DIAPH2: variants seen among roughly 807,000 people sequenced by gnomAD.
DIAPH2 encodes the protein protein diaphanous homolog 2.
In DIAPH2, 35 loss-of-function variants were observed where a neutral mutation model predicts 92.7. That is an observed-to-expected ratio of 0.38 (90% confidence interval 0.29 to 0.50). The LOEUF (loss-of-function observed/expected upper bound fraction) is 0.50, where lower values mean the gene tolerates loss of function less well. Among genes scored for constraint, DIAPH2 ranks in the 20% least tolerant of loss-of-function variants. DIAPH2 has a pLI of 0.94. For missense variants in DIAPH2, 701 were observed against 819.5 expected, an observed-to-expected ratio of 0.86 and a Z score of 1.77; for synonymous variants, 301 against 280.4, an observed-to-expected ratio of 1.07 and a Z score of -0.73.
At chrX:97,529,992 C>A (rs1013321763) in intron 26 of DIAPH2, among the ~76,000 whole-genome samples, 7 of 112,137 alleles carry the variant, frequency 6.2e-5, no homozygotes, top group African/African-American at 2.3e-4. Flanking sequence ...GTTAAAATCT[C>A]AAGCAAGGAA....
At chrX:97,424,694 A>T (rs972634662) in intron 25 of DIAPH2, among the ~76,000 whole-genome samples, 8 of 111,807 alleles carry the variant, frequency 7.2e-5, no homozygotes. Flanking sequence ...GGCTCACTGT[A>T]ACCCCAACCT....
At chrX:97,438,522 C>T (rs746599954) in intron 26 of DIAPH2, among the ~76,000 whole-genome samples, 11 of 107,747 alleles carry the variant, frequency 1.0e-4, no homozygotes, top group African/African-American at 3.0e-4. Flanking sequence ...CATGCCACCA[C>T]GCCCAGCTAT....
intron 1 of DIAPH2, among the ~76,000 whole-genome samples, chrX:96,688,957 A>G (rs1044877625): frequency 9.1e-6 from 1 of 109,995 alleles, no homozygotes; most frequent in Non-Finnish European, 1.9e-5. Flanking sequence ...TTTAAGGAAA[A>G]AAAAAAAAGC....
intron 11 of DIAPH2, among the ~76,000 whole-genome samples, chrX:96,937,574 C>T (rs1297077695): frequency 9.0e-6 from 1 of 111,448 alleles, no homozygotes; most frequent in Non-Finnish European, 1.9e-5. Context: ...CACAATGGCT[C>T]ACAGTATTAT....
At chrX:97,530,970 G>A (rs780311095) in intron 26 of DIAPH2, among the ~76,000 whole-genome samples, 5 of 111,153 alleles carry the variant, frequency 4.5e-5, no homozygotes, top group Non-Finnish European at 7.5e-5. Flanking sequence ...TAGATCGTTG[G>A]TGAGTGCAGG....
intron 12 of DIAPH2, among the ~76,000 whole-genome samples, 174 bp downstream of exon 12, chrX:96,939,556 A>ATATATG (rs2065684742): frequency 1.5e-5 from 1 of 66,941 alleles, no homozygotes; most frequent in Non-Finnish European, 2.8e-5. Context: ...GTATATATGT[A>ATATATG]TATATATATA....
At chrX:96,860,002 A>C (rs919908076) in intron 4 of DIAPH2, among the ~76,000 whole-genome samples, 3 of 112,187 alleles carry the variant, frequency 2.7e-5, no homozygotes, top group Non-Finnish European at 3.8e-5. Context: ...AAGGATAGAA[A>C]ATAATGGGGA....
chrX:97,096,413 G>C (rs1010324281), intron 19 of DIAPH2, among the ~76,000 whole-genome samples: 3 of 111,690 alleles, frequency 2.7e-5, no homozygotes, highest in Non-Finnish European at 5.6e-5. Flanking sequence ...GCTGTTGCAG[G>C]ACCCTGATTC....
intron 17 of DIAPH2, among the ~76,000 whole-genome samples, chrX:97,001,506 C>T (rs948674740): frequency 9.1e-6 from 1 of 110,357 alleles, no homozygotes; most frequent in Non-Finnish European, 1.9e-5. Flanking sequence ...ATTAGCCAGG[C>T]GTGGTAGCAA....
At chrX:96,767,578 A>G (rs2064311857) in intron 4 of DIAPH2, among the ~76,000 whole-genome samples, 1 of 112,174 alleles carries the variant, frequency 8.9e-6, no homozygotes, top group Non-Finnish European at 1.9e-5. Context: ...AATGCTTGAT[A>G]TGAAAGACAT....
At chrX:97,323,771 C>G (rs775873500) in intron 23 of DIAPH2, among the ~76,000 whole-genome samples, 56 of 105,926 alleles carry the variant, frequency 5.3e-4, no homozygotes, top group Middle Eastern at 4.9e-3. Context: ...GGAGTGGTGG[C>G]GCATGCCTGT....
At chrX:97,205,974 A>G (rs1323806969) in intron 22 of DIAPH2, among the ~76,000 whole-genome samples, 2 of 111,828 alleles carry the variant, frequency 1.8e-5, no homozygotes, top group Admixed American at 9.5e-5. Context: ...CTATACAGCC[A>G]TAAAAAAGAA....
intron 1 of DIAPH2, among the ~76,000 whole-genome samples, chrX:96,712,586 T>A (rs2147537055): frequency 9.0e-6 from 1 of 111,402 alleles, no homozygotes; most frequent in East Asian, 2.8e-4. Flanking sequence ...AGATATTATC[T>A]ATTGCCTGCC....
At chrX:97,252,294 T>C (rs961476622) in intron 23 of DIAPH2, among the ~76,000 whole-genome samples, 1 of 111,377 alleles carries the variant, frequency 9.0e-6, no homozygotes, top group Non-Finnish European at 1.9e-5. Flanking sequence ...AGAGAGTGAC[T>C]GAGCAGCAGG....
At chrX:97,201,976 G>T (rs1282007363) in intron 22 of DIAPH2, among the ~76,000 whole-genome samples, 1 of 111,392 alleles carries the variant, frequency 9.0e-6, no homozygotes, top group Non-Finnish European at 1.9e-5. Flanking sequence ...CTCTCTACAG[G>T]AACCCTACAA....
At chrX:96,924,607 C>T (rs970314400) in intron 9 of DIAPH2, among the ~76,000 whole-genome samples, 11 of 111,332 alleles carry the variant, frequency 9.9e-5, no homozygotes, top group Admixed American at 8.6e-4. Context: ...TCCATTCTCA[C>T]ATTGCTATAA....
At chrX:97,229,948 A>G (rs1361814334) in intron 22 of DIAPH2, among the ~76,000 whole-genome samples, 1 of 107,922 alleles carries the variant, frequency 9.3e-6, no homozygotes, top group Non-Finnish European at 1.9e-5. Flanking sequence ...AAAAGCCTTG[A>G]TGTAAGAGCA....
chrX:97,256,444 G>A (rs774106633), intron 23 of DIAPH2, among the ~76,000 whole-genome samples: 2 of 112,298 alleles, frequency 1.8e-5, no homozygotes, highest in African/African-American at 6.5e-5. Context: ...TAATAATAGT[G>A]ATGTTAGTAT....
intron 4 of DIAPH2, among the ~76,000 whole-genome samples, chrX:96,800,135 C>T (rs754446924): frequency 8.9e-6 from 1 of 111,864 alleles, no homozygotes; most frequent in Non-Finnish European, 1.9e-5. Context: ...AAATCCCTTG[C>T]TATGCTCTTT....
Sources: gnomAD v4.1 joint callset for allele counts (sites outside exome capture counted in the v4.1 genomes callset) on GRCh38, gnomAD v4.1.1 for gene constraint, MANE v1.5 for transcripts, NCBI Gene and HGNC (gene_info 2026-07-23, HGNC 2026-07-21) for gene names.